The following DAG1 variants were observed in gnomAD, a reference collection of about 807,000 sequenced individuals.
The protein encoded by DAG1 is dystroglycan 1 (dystrophin-associated glycoprotein 1).
Under a neutral mutation model 46.1 loss-of-function variants are expected in DAG1, and 8 were observed. The observed-to-expected ratio is 0.17, with a 90% CI of 0.10 to 0.31. The LOEUF (loss-of-function observed/expected upper bound fraction) is 0.31. Among genes scored for constraint, DAG1 ranks in the 10% least tolerant of loss-of-function variants. The pLI is 1.00. For synonymous variants in DAG1, 495 were observed against 481.8 expected (o/e 1.03, Z -0.36); for missense variants, 1,003 against 1,189.9 (o/e 0.84, Z 2.31).
chr3:49,471,639 C>T (rs893144907), intron 1 of DAG1, among the ~76,000 whole-genome samples: 1 of 151,998 alleles, frequency 6.6e-6, no homozygotes, highest in Non-Finnish European at 1.5e-5. Context: ...ATGTGAAGAC[C>T]CTATGGGATA....
intron 2 of DAG1, among the ~76,000 whole-genome samples, chr3:49,515,826 CT>C: frequency 6.6e-6 from 1 of 152,274 alleles, no homozygotes; most frequent in Non-Finnish European, 1.5e-5. Flanking sequence ...TAGGCTCCCC[CT>C]GCCTTTGTTC....
At chr3:49,475,214 C>T (rs2049647204) in intron 1 of DAG1, among the ~76,000 whole-genome samples, 1 of 151,816 alleles carries the variant, frequency 6.6e-6, no homozygotes, top group Admixed American at 6.6e-5. Context: ...AAGTGATTCT[C>T]CTGCCTCAGC....
chr3:49,478,039 G>T (rs2049733024), intron 1 of DAG1, among the ~76,000 whole-genome samples: 1 of 151,354 alleles, frequency 6.6e-6, no homozygotes, highest in Non-Finnish European at 1.5e-5. Flanking sequence ...GGCCGAGGCG[G>T]GTACATCATT....
At chr3:49,481,022 A>C (rs1448305805) in intron 1 of DAG1, among the ~76,000 whole-genome samples, 1 of 146,666 alleles carries the variant, frequency 6.8e-6, no homozygotes, top group Non-Finnish European at 1.5e-5. Flanking sequence ...CGGCCTCCCA[A>C]AGTGCTGGGA....
At chr3:49,515,631 C>T (rs1404015689) in intron 2 of DAG1, among the ~76,000 whole-genome samples, 1 of 152,114 alleles carries the variant, frequency 6.6e-6, no homozygotes, top group East Asian at 1.9e-4. Flanking sequence ...AGTGATCCTA[C>T]TGCCTCAGCC....
At chr3:49,528,275 A>ATTTTTT (rs147292984) in intron 2 of DAG1, among the ~76,000 whole-genome samples, 3,265 of 66,498 alleles carry the variant, frequency 0.049, 660 homozygotes, top group Non-Finnish European at 0.068. Context: ...AAATAGTGTG[A>ATTTTTT]TTTTTTTTTT....
chr3:49,490,117 GC>G (rs1214716986), intron 1 of DAG1, among the ~76,000 whole-genome samples: 1 of 152,132 alleles, frequency 6.6e-6, no homozygotes, highest in Non-Finnish European at 1.5e-5. Context: ...ACTTTGGGAG[GC>G]CGAGGCAGAC....
At chr3:49,505,890 G>A (rs1349447618) in intron 1 of DAG1, among the ~76,000 whole-genome samples, 1 of 150,314 alleles carries the variant, frequency 6.7e-6, no homozygotes, top group African/African-American at 2.4e-5. Flanking sequence ...GGCTGGTCTC[G>A]AACTCCCGAC....
At chr3:49,499,768 G>C (rs1381012525) in intron 1 of DAG1, among the ~76,000 whole-genome samples, 1 of 152,190 alleles carries the variant, frequency 6.6e-6, no homozygotes, top group Non-Finnish European at 1.5e-5. Context: ...GGAGGGGCCA[G>C]TGGGATCCTT....
chr3:49,517,050 G>T (rs1402132015), intron 2 of DAG1, among the ~76,000 whole-genome samples: 1 of 144,256 alleles, frequency 6.9e-6, no homozygotes, highest in Non-Finnish European at 1.5e-5. Flanking sequence ...CTGGAGTGCA[G>T]TGGTGCTATC....
Position 49,527,889 on chromosome 3 carries a change from T to G in DAG1, c.286-2908T>G, listed in dbSNP as rs529066803. Reference sequence around the variant, plus strand: ...CCTCTGCAGTTGGCTTCTCCTTAGTTGGCTTTACCCAGACCTCTATTCCAG... The same window carrying G: ...CCTCTGCAGTTGGCTTCTCCTTAGTGGGCTTTACCCAGACCTCTATTCCAG... On this transcript the variant is annotated intron_variant, in intron 2 of 2. Transcript: ENST00000308775. Among the ~76,000 whole-genome samples, 20 of 152,318 alleles carry G rather than the reference T, an allele frequency of 1.3e-4. No individual in the cohort carries two copies. In the South Asian group the frequency reaches 3.7e-3, roughly 28 times the overall value.
At chr3:49,516,685 T>C (rs188444718) in intron 2 of DAG1, among the ~76,000 whole-genome samples, 4 of 152,360 alleles carry the variant, frequency 2.6e-5, no homozygotes, top group African/African-American at 7.2e-5. Context: ...TCTTGTGATA[T>C]GCCCCTGTCA....
At chr3:49,527,888 T>C (rs1243516518) in intron 2 of DAG1, among the ~76,000 whole-genome samples, 1 of 152,184 alleles carries the variant, frequency 6.6e-6, no homozygotes, top group Non-Finnish European at 1.5e-5. Context: ...TTCTCCTTAG[T>C]TGGCTTTACC....
intron 2 of DAG1, among the ~76,000 whole-genome samples, chr3:49,514,478 CT>C (rs562789829): frequency 6.1e-5 from 9 of 148,388 alleles, no homozygotes; most frequent in African/African-American, 1.2e-4. Flanking sequence ...ATTTTTTAAC[CT>C]TTTTTTTTTG....
At chr3:49,508,406 G>A (rs1034352160) in intron 1 of DAG1, among the ~76,000 whole-genome samples, 1 of 151,422 alleles carries the variant, frequency 6.6e-6, no homozygotes, top group Non-Finnish European at 1.5e-5. Context: ...ATGTATGTAT[G>A]TGTTGTTTTT....
intron 2 of DAG1, among the ~76,000 whole-genome samples, chr3:49,527,426 G>A (rs1226735606): frequency 2.1e-5 from 3 of 142,856 alleles, no homozygotes; most frequent in East Asian, 4.8e-4. Context: ...GGAGAATGAG[G>A]CAGGAGAATG....
At chr3:49,505,489 G>A (rs1235355348) in intron 1 of DAG1, among the ~76,000 whole-genome samples, 1 of 152,138 alleles carries the variant, frequency 6.6e-6, no homozygotes, top group Non-Finnish European at 1.5e-5. Context: ...ACATGTTGCA[G>A]TATATAGAAA....
chr3:49,492,243 T>TA (rs755299793), intron 1 of DAG1, among the ~76,000 whole-genome samples: 5 of 152,244 alleles, frequency 3.3e-5, no homozygotes, highest in Non-Finnish European at 7.3e-5. Context: ...AGTCTATTCT[T>TA]AAGACCACAG....
intron 2 of DAG1, among the ~76,000 whole-genome samples, chr3:49,516,565 A>C (rs1238717241): frequency 6.6e-6 from 1 of 152,220 alleles, no homozygotes; most frequent in Non-Finnish European, 1.5e-5. Flanking sequence ...TTATTAGTAC[A>C]AACTCACTGT....
Sources: allele counts gnomAD v4.1 joint callset (sites outside exome capture counted in the v4.1 genomes callset), GRCh38; gene constraint gnomAD v4.1.1; transcripts MANE v1.5; gene names NCBI Gene and HGNC (gene_info 2026-07-23, HGNC 2026-07-21).